The following GSE1 variants were observed in gnomAD, a reference collection of about 807,000 sequenced individuals.
GSE1 encodes genetic suppressor element 1.
Under a neutral mutation model 112.6 loss-of-function variants are expected in GSE1, and 32 were observed. The observed-to-expected ratio is 0.28, with a 90% confidence interval of 0.21 to 0.38. The LOEUF is 0.38. Among genes scored for constraint, GSE1 ranks in the 10% least tolerant of loss-of-function variants. GSE1 has a pLI of 1.00. For missense variants in GSE1, 2,348 were observed against 1,699.2 expected (o/e 1.38, Z -6.71); for synonymous variants, 1,115 against 735.6 (o/e 1.52, Z -8.35).
chr16:85,234,620 C>T (rs1212563538), intron 1 of GSE1, among the ~76,000 whole-genome samples: 1 of 152,194 alleles, frequency 6.6e-6, no homozygotes, highest in Admixed American at 6.5e-5. Flanking sequence ...AACCAAGGCT[C>T]AGGGAGGCCC....
At chr16:85,344,262 C>T (rs762072349) in intron 1 of GSE1, among the ~76,000 whole-genome samples, 1 of 152,156 alleles carries the variant, frequency 6.6e-6, no homozygotes, top group Non-Finnish European at 1.5e-5. Flanking sequence ...AGGCAGAGAA[C>T]ATTTCTGGGA....
chr16:85,197,301 C>T (rs1232407789), intron 1 of GSE1, among the ~76,000 whole-genome samples: 1 of 152,126 alleles, frequency 6.6e-6, no homozygotes, highest in Non-Finnish European at 1.5e-5. Flanking sequence ...GGAGTCTTCC[C>T]AATGCCTGGG....
At chr16:85,379,620 G>A (rs2047501650) in intron 2 of GSE1, among the ~76,000 whole-genome samples, 1 of 152,178 alleles carries the variant, frequency 6.6e-6, no homozygotes, top group East Asian at 1.9e-4. Context: ...AGCTCCTGGG[G>A]TACGTTTTCC....
chr16:85,596,906 C>G (rs1018055505), intron 1 of GSE1, among the ~76,000 whole-genome samples: 2 of 152,176 alleles, frequency 1.3e-5, no homozygotes, highest in Non-Finnish European at 2.9e-5. Flanking sequence ...CGTGGTGGCA[C>G]ACACCTGTAA....
intron 2 of GSE1, among the ~76,000 whole-genome samples, chr16:85,402,208 G>A (rs995963419): frequency 2.1e-4 from 32 of 152,188 alleles, no homozygotes; most frequent in African/African-American, 7.5e-4. Flanking sequence ...GCGGCCTGGC[G>A]GGAGGTGAGA....
chr16:85,230,028 C>A (rs1165284692), intron 1 of GSE1, among the ~76,000 whole-genome samples: 2 of 152,246 alleles, frequency 1.3e-5, no homozygotes, highest in African/African-American at 4.8e-5. Context: ...TATCTGCCTC[C>A]TCAGGCTCTG....
chr16:85,225,730 T>C (rs1300835463), intron 1 of GSE1, among the ~76,000 whole-genome samples: 1 of 152,232 alleles, frequency 6.6e-6, no homozygotes, highest in Admixed American at 6.5e-5. Flanking sequence ...CTTCAGAGCC[T>C]CTCAAACACT....
chr16:85,451,260 TC>T (rs2049671771), intron 2 of GSE1, among the ~76,000 whole-genome samples: 1 of 152,230 alleles, frequency 6.6e-6, no homozygotes, highest in Admixed American at 6.5e-5. Flanking sequence ...TTGTGGTCAT[TC>T]CCCACCTCCA....
chr16:85,463,144 G>A (rs778305958), intron 2 of GSE1: 767 of 981,314 alleles, frequency 7.8e-4, no homozygotes, highest in Non-Finnish European at 8.8e-4. Context: ...CCAGCTCACC[G>A]CCCCGTGGAC....
At chr16:85,177,969 C>T (rs1161462168) in intron 1 of GSE1, among the ~76,000 whole-genome samples, 1 of 152,220 alleles carries the variant, frequency 6.6e-6, no homozygotes, top group African/African-American at 2.4e-5. Flanking sequence ...TACCCACTAA[C>T]TGAACAACGT....
intron 2 of GSE1, among the ~76,000 whole-genome samples, chr16:85,411,597 T>G (rs2048551584): frequency 4.5e-5 from 1 of 22,134 alleles, no homozygotes; most frequent in African/African-American, 1.3e-4. Context: ...TTCTCACTGT[T>G]ACACTCAGGG....
intron 2 of GSE1, among the ~76,000 whole-genome samples, chr16:85,470,004 C>T (rs780610279): frequency 2.0e-5 from 3 of 152,240 alleles, no homozygotes; most frequent in Admixed American, 6.5e-5. Flanking sequence ...CCCACTCACC[C>T]CAGGCCCTCA....
chr16:85,452,962 C>T (rs1182626364), intron 2 of GSE1, among the ~76,000 whole-genome samples: 1 of 152,208 alleles, frequency 6.6e-6, no homozygotes, highest in Non-Finnish European at 1.5e-5. Context: ...CTGGAGCTTT[C>T]TGGCTTCTCT....
intron 2 of GSE1, among the ~76,000 whole-genome samples, chr16:85,451,491 C>CTGG (rs2049679973): frequency 1.4e-5 from 1 of 71,158 alleles, no homozygotes; most frequent in African/African-American, 6.4e-5. Flanking sequence ...GGTGTGTGTG[C>CTGG]TGGTGGTTGG....
rs566958291 is a variant in GSE1 at position 85,265,723 on chromosome 16, C to G, written c.2284-91740C>G. ...TTTCATGAGGGAGGAATGTTTTGAT[C>G]AGGCCATTGGGGGGCTCTCTGCTGT... On this transcript the variant is annotated intron_variant, in intron 1 of 2. Transcript: ENST00000637419. Among the ~76,000 whole-genome samples, 13 of 152,242 alleles carry G rather than the reference C, an allele frequency of 8.5e-5. No homozygotes were observed. The South Asian group carries it at 2.5e-3, about 29-fold the overall frequency.
intron 1 of GSE1, among the ~76,000 whole-genome samples, chr16:85,315,159 C>T (rs2045960666): frequency 6.6e-6 from 1 of 151,974 alleles, no homozygotes; most frequent in South Asian, 2.1e-4. Flanking sequence ...CTGAGGGCAC[C>T]ACCGCAGGGT....
rs1050200022 is a variant in GSE1, at chr16:85,375,020, G to A, written c.2464+17377G>A. The stretch of plus-strand genomic sequence containing the variant: ...CAGCGTTCTGGGTTTTGATCCTGGC[G>A]CAGCCACTCGCTGCTGTGTGACCTG... On this transcript the variant is annotated intron_variant, in intron 2 of 2. Coordinates refer to the GSE1 transcript ENST00000637419. Among the ~76,000 whole-genome samples the A allele has an allele frequency of 3.9e-5, 6 of 152,274 alleles. No individual in the cohort carries two copies. In the East Asian group the frequency reaches 5.8e-4, roughly 15 times the overall value.
intron 2 of GSE1, among the ~76,000 whole-genome samples, chr16:85,429,645 G>C (rs2049073372): frequency 6.6e-6 from 1 of 152,086 alleles, no homozygotes. Context: ...GATCTCCCTT[G>C]CTGGCTCTGC....
intron 2 of GSE1, among the ~76,000 whole-genome samples, chr16:85,498,812 T>C (rs1379817168): frequency 6.6e-6 from 1 of 152,230 alleles, no homozygotes; most frequent in Non-Finnish European, 1.5e-5. Context: ...TCACTTGGGC[T>C]CCAGTTGAAG....
Sources: gnomAD v4.1 joint callset for allele counts (sites outside exome capture counted in the v4.1 genomes callset) on GRCh38, gnomAD v4.1.1 for gene constraint, MANE v1.5 for transcripts, NCBI Gene and HGNC (gene_info 2026-07-23, HGNC 2026-07-21) for gene names.